P2RX4: variants seen among roughly 807,000 people sequenced by gnomAD.
The protein encoded by P2RX4 is P2X purinoceptor 4.
P2RX4 carries 37 observed loss-of-function variants against 48.0 expected under a neutral mutation model. That is an observed-to-expected ratio of 0.77 (90% CI 0.59 to 1.01). The LOEUF (loss-of-function observed/expected upper bound fraction) is 1.01, where lower values mean the gene tolerates loss of function less well. Ranked by LOEUF, P2RX4 falls within the 50% of genes least tolerant of loss-of-function variation. The pLI is 0.00. For synonymous variants in P2RX4, 200 were observed against 199.7 expected, an observed-to-expected ratio of 1.00 and a Z score of -0.01; for missense variants, 501 against 521.4, an observed-to-expected ratio of 0.96 and a Z score of 0.38.
chr12:121,232,545 G>T lies in P2RX4; in HGVS notation c.978+38G>T. On this transcript the variant is annotated intron_variant, in intron 9 of 11. Coordinates refer to ENST00000337233, the MANE Select transcript of P2RX4 (RefSeq NM_002560.3). This position sits in a 1 kb window ranked among gnomAD's most constrained non-coding sequence, Gnocchi z 4.3. ...CACTGGCTCCCCTCCGTCACTCCCT[G>T]CAGGGACAAGGGGCCTCTCCCTGCC... is the stretch of plus-strand genomic sequence containing the variant. 6.2e-7 allele frequency: 1 copy of T among 1,606,158 alleles called. No individual in the cohort carries two copies. Among genetic ancestry groups the T allele is most frequent in the Non-Finnish European group, 8.5e-7 (1 of 1,172,662 alleles).
Position 121,222,928 on chromosome 12 carries a change from GC to G in P2RX4, c.428-17del. Reference sequence around the variant, plus strand: ...ACCCCTGTGGACATGGGACCCCCCTGCCACCCTTGTGCTTGTAGGAGTCTCA... The same window carrying G: ...ACCCCTGTGGACATGGGACCCCCCTGCACCCTTGTGCTTGTAGGAGTCTCA... On this transcript the variant is annotated intron_variant, in intron 4 of 11. Transcript: ENST00000337233. 2 of 1,585,770 alleles carry G rather than the reference GC, an allele frequency of 1.3e-6. No homozygotes were observed.
In P2RX4 at chr12:121,221,972, C is replaced by A. The variant is rs770980102; in HGVS notation, c.342C>A (p.Gly114=). The A allele has an allele frequency of 6.2e-7, 1 of 1,614,090 alleles. No individual in the cohort carries two copies. Among genetic ancestry groups the A allele is most frequent in the African/African-American group, 1.3e-5 (1 of 74,946 alleles). ...NVILTMNQTQ[G]LCPEIPDATT... ...TCCTCACCATGAACCAGACACAGGGCCTGTGCCCCGAGGTAGGAGGCCCCC... is the reference window on the plus strand; with the variant it reads ...TCCTCACCATGAACCAGACACAGGGACTGTGCCCCGAGGTAGGAGGCCCCC... The change falls in exon 3 of 12, where the codon GGC becomes GGA. Residue 114 remains glycine (G), a synonymous_variant. Transcript: ENST00000337233.
At chr12:121,230,361 C>T (rs963932536) in intron 8 of P2RX4, among the ~76,000 whole-genome samples, 3 of 152,136 alleles carry the variant, frequency 2.0e-5, no homozygotes, top group East Asian at 1.9e-4. Context: ...CCAGCCTGGG[C>T]GACAAAGCAA....
intron 2 of P2RX4, among the ~76,000 whole-genome samples, chr12:121,217,654 A>G (rs1886316200): frequency 6.6e-6 from 1 of 151,980 alleles, no homozygotes; most frequent in Non-Finnish European, 1.5e-5. Context: ...GGCCGGGCAC[A>G]GTAGCTCACG....
intron 2 of P2RX4, among the ~76,000 whole-genome samples, chr12:121,217,663 C>T (rs770973400): frequency 1.3e-5 from 2 of 151,100 alleles, no homozygotes; most frequent in Non-Finnish European, 2.9e-5. Context: ...CAGTAGCTCA[C>T]GTGTGTAATC....
At position 121,232,767 on chromosome 12, in the gene P2RX4, T is replaced by A; in HGVS notation, c.1044+91T>A. 1 of 1,149,030 alleles carries A rather than the reference T, an allele frequency of 8.7e-7. No homozygotes were observed. 71.2% of individuals were successfully genotyped at this position (1,149,030 alleles called of 1,614,324 possible). A position where few individuals can be genotyped will look rare whatever the true frequency, so the allele number is the denominator to read the frequency against. ...CTGGCCCTAGGCCCTAGACCTCAGA[T>A]GTGTTTCTAAACTTGACCCTCCTAC... On this transcript the variant is annotated intron_variant, in intron 10 of 11. Coordinates refer to ENST00000337233, the MANE Select transcript of P2RX4 (RefSeq NM_002560.3). This position sits in a 1 kb window ranked among gnomAD's most constrained non-coding sequence, Gnocchi z 4.3.
At chr12:121,225,775 G>T (rs1321029536) in intron 5 of P2RX4, among the ~76,000 whole-genome samples, 1 of 152,188 alleles carries the variant, frequency 6.6e-6, no homozygotes, top group Admixed American at 6.5e-5. Flanking sequence ...TTGGTTACAT[G>T]TTGAAGTAAT....
intron 5 of P2RX4, 144 bp from the exon 6 acceptor site, chr12:121,228,381 AAAAAATAT>A: frequency 5.0e-6 from 1 of 200,922 alleles, no homozygotes; most frequent in African/African-American, 2.7e-5. Context: ...AAAAAAAAAA[AAAAAATAT>A]ATATATATAT....
At chr12:121,211,139 T>G (rs1057397809) in intron 1 of P2RX4, among the ~76,000 whole-genome samples, 4 of 152,200 alleles carry the variant, frequency 2.6e-5, no homozygotes, top group Non-Finnish European at 4.4e-5. Context: ...AGGCTAGAGA[T>G]GCCCTACCGC....
intron 4 of P2RX4, 125 bp downstream of exon 4, chr12:121,222,291 TG>T: frequency 1.4e-6 from 1 of 712,138 alleles, no homozygotes; most frequent in Non-Finnish European, 2.5e-6. Context: ...GTGCCGAGGC[TG>T]GGGTCCTGGA....
intron 2 of P2RX4, among the ~76,000 whole-genome samples, chr12:121,220,306 C>CG (rs1355543399): frequency 1.3e-5 from 2 of 151,956 alleles, no homozygotes; most frequent in African/African-American, 2.4e-5. Flanking sequence ...CAGACCCCCC[C>CG]CTTTTTTTAA....
chr12:121,230,490 C>CA (rs1887272302), intron 8 of P2RX4, among the ~76,000 whole-genome samples: 2 of 152,230 alleles, frequency 1.3e-5, no homozygotes, highest in African/African-American at 4.8e-5. Flanking sequence ...CCGATCCATA[C>CA]GGGATCCTAA....
At chr12:121,224,077 A>AT (rs1339718303) in intron 5 of P2RX4, among the ~76,000 whole-genome samples, 1 of 152,104 alleles carries the variant, frequency 6.6e-6, no homozygotes, top group East Asian at 1.9e-4. Flanking sequence ...ATCAATGGCC[A>AT]TATCTCTCAA....
At chr12:121,217,098 C>T in intron 1 of P2RX4, 36 bp from the exon 2 acceptor site, 2 of 1,609,320 alleles carry the variant, frequency 1.2e-6, no homozygotes, top group Non-Finnish European at 1.7e-6. Context: ...CCATTGAATC[C>T]TAATGGCAAT....
chr12:121,218,022 G>A (rs1886346199), intron 2 of P2RX4, among the ~76,000 whole-genome samples: 1 of 152,104 alleles, frequency 6.6e-6, no homozygotes, highest in Non-Finnish European at 1.5e-5. Flanking sequence ...TATGTGCTAA[G>A]GGACCGAGGG....
intron 1 of P2RX4, chr12:121,214,226 TTA>T (rs1886073621): frequency 1.3e-5 from 2 of 151,904 alleles, no homozygotes; most frequent in African/African-American, 4.8e-5. Context: ...GTGGCTCGCG[TTA>T]TGTTTTTATG....
intron 11 of P2RX4, 41 bp downstream of exon 11, chr12:121,233,133 C>A: frequency 7.1e-7 from 1 of 1,411,520 alleles, no homozygotes; most frequent in Non-Finnish European, 9.9e-7. Flanking sequence ...GGCCTCTCAT[C>A]TCTTGGGTGT....
chr12:121,230,880 G>GCGCTCTCTCGCGTGCT (rs2136245643), intron 8 of P2RX4, among the ~76,000 whole-genome samples: 1 of 152,022 alleles, frequency 6.6e-6, no homozygotes, highest in African/African-American at 2.4e-5. Flanking sequence ...TCATGCGTGT[G>GCGCTCTCTCGCGTGCT]CGCTCTCTCG....
At chr12:121,220,099 T>C (rs980557688) in intron 2 of P2RX4, among the ~76,000 whole-genome samples, 5 of 152,234 alleles carry the variant, frequency 3.3e-5, no homozygotes, top group African/African-American at 7.2e-5. Flanking sequence ...TGTCACTTGC[T>C]GACCCTGACC....
Sources: gnomAD v4.1 joint callset for allele counts (sites outside exome capture counted in the v4.1 genomes callset) on GRCh38, gnomAD v4.1.1 for gene constraint, Gnocchi (gnomAD v3.1) non-coding constraint, MANE v1.5 for transcripts, NCBI Gene and HGNC (gene_info 2026-07-23, HGNC 2026-07-21) for gene names.